SLC30A4: variants seen among roughly 807,000 people sequenced by gnomAD.
SLC30A4 encodes solute carrier family 30 member 4.
In SLC30A4, 20 loss-of-function variants were observed where a neutral mutation model predicts 41.7. That is an observed-to-expected ratio of 0.48 (90% confidence interval 0.34 to 0.70). The LOEUF (loss-of-function observed/expected upper bound fraction) is 0.70. SLC30A4 is among the 30% of genes least tolerant of loss of function. SLC30A4 has a pLI of 0.01. For missense variants in SLC30A4, 441 were observed against 529.3 expected, an observed-to-expected ratio of 0.83 and a Z score of 1.64; for synonymous variants, 181 against 195.9, an observed-to-expected ratio of 0.92 and a Z score of 0.64.
rs1312207632 is a variant in SLC30A4 at position 45,522,103 on chromosome 15, G to A, written c.252C>T (p.Thr84=). The change falls in exon 2 of 8, where the codon ACC becomes ACT. Residue 84 remains threonine, a synonymous_variant. Transcript: ENST00000261867. ...CCACCTTCAAACTCAGCTGACTGTTGGTCAAAGGTAAGTCTTGGTCCAGTA... is the reference window on the plus strand; with the variant it reads ...CCACCTTCAAACTCAGCTGACTGTTAGTCAAAGGTAAGTCTTGGTCCAGTA... The part of the protein sequence containing the change: ...DSLLDQDLPL[T]NSQLSLKVDS... The A allele has an allele frequency of 6.2e-7, 1 of 1,614,098 alleles. No homozygotes were observed. Among genetic ancestry groups the A allele is most frequent in the Non-Finnish European group, 8.5e-7 (1 of 1,180,046 alleles).
In SLC30A4 at chr15:45,480,274, C is replaced by G. The variant is rs1240004334; in HGVS notation, c.*4889G>C. 6.6e-6 allele frequency: 1 copy of G among 152,200 alleles called. No individual in the cohort carries two copies. Among genetic ancestry groups the G allele is most frequent in the African/African-American group, 2.4e-5 (1 of 41,442 alleles). 9.4% of individuals were successfully genotyped at this position (152,200 alleles called of 1,614,324 possible). Reference sequence around the variant, plus strand: ...AGTGACTGGCAGGCCTGAGTGCACACATGTAATTCAATACTGAGGAACTCC... The same window carrying G: ...AGTGACTGGCAGGCCTGAGTGCACAGATGTAATTCAATACTGAGGAACTCC... On this transcript the variant is annotated 3_prime_UTR_variant, in exon 8 of 8. Transcript: ENST00000261867.
At chr15:45,507,010 A>G (rs956181809) in intron 3 of SLC30A4, among the ~76,000 whole-genome samples, 11 of 152,080 alleles carry the variant, frequency 7.2e-5, no homozygotes, top group East Asian at 5.8e-4. Context: ...TTTAAGTTCT[A>G]TTTTTCTGAG....
intron 3 of SLC30A4, among the ~76,000 whole-genome samples, chr15:45,510,165 C>CG (rs1429717129): frequency 1.3e-5 from 2 of 150,582 alleles, no homozygotes; most frequent in African/African-American, 2.4e-5. Context: ...AAAGCAAAAA[C>CG]GAGAAATAAA....
At position 45,485,044 on chromosome 15, in the gene SLC30A4, T is replaced by C. The variant is rs2140808330; in HGVS notation, c.*119A>G. The C allele has an allele frequency of 1.4e-6, 1 of 729,566 alleles. No individual in the cohort carries two copies. The highest frequency in any genetic ancestry group is 2.2e-6 in the Non-Finnish European group (1 of 446,482). The allele number at this position is 729,566 out of a possible 1,614,324, so 45.2% of individuals were successfully genotyped here. On this transcript the variant is annotated 3_prime_UTR_variant, in exon 8 of 8. Transcript: ENST00000261867. ...AGGCTGGGGCAACTGTTTGAGAGAC[T>C]GATGCTTGATACGGACACAGCTGTC...
chr15:45,521,341 C>T (rs1300305040), intron 2 of SLC30A4, among the ~76,000 whole-genome samples: 1 of 152,094 alleles, frequency 6.6e-6, no homozygotes, highest in Non-Finnish European at 1.5e-5. Flanking sequence ...TCTTACGAGG[C>T]AAAAATTTCA....
chr15:45,509,228 GT>G (rs1452759682), intron 3 of SLC30A4, among the ~76,000 whole-genome samples: 1 of 150,940 alleles, frequency 6.6e-6, no homozygotes, highest in East Asian at 1.9e-4. Context: ...AAGCAGTGGA[GT>G]TTCCTTTAGG....
chr15:45,491,552 C>G (rs1042230259), intron 3 of SLC30A4, among the ~76,000 whole-genome samples: 1 of 152,168 alleles, frequency 6.6e-6, no homozygotes, highest in African/African-American at 2.4e-5. Flanking sequence ...CATAGTGAGA[C>G]TCCGTCTCTC....
At chr15:45,499,660 T>C (rs1891980831) in intron 3 of SLC30A4, among the ~76,000 whole-genome samples, 1 of 152,218 alleles carries the variant, frequency 6.6e-6, no homozygotes, top group African/African-American at 2.4e-5. Flanking sequence ...TCCTGAGAAC[T>C]TGTGGGATTT....
At chr15:45,486,404 A>G (rs1371807798) in intron 7 of SLC30A4, among the ~76,000 whole-genome samples, 7 of 152,202 alleles carry the variant, frequency 4.6e-5, no homozygotes, top group African/African-American at 1.7e-4. Context: ...TTGTTCTGGT[A>G]TCAATACTGA....
rs1325630567 is a variant in SLC30A4, at chr15:45,482,166, C to T, written c.*2997G>A. 6 of 150,398 alleles carry T rather than the reference C, an allele frequency of 4.0e-5. No individual in the cohort carries two copies. Among genetic ancestry groups the T allele is most frequent in the Admixed American group, 4.0e-4 (6 of 15,056 alleles). The allele number at this position is 150,398 out of a possible 1,614,324, so 9.3% of individuals were successfully genotyped here. A position where few individuals can be genotyped will look rare whatever the true frequency, so the allele number is the denominator to read the frequency against. Reference sequence around the variant, plus strand: ...GGCACAGTGGTTCATGCCCATAAGCCCAGCACTTTGGGAGGCCGAGGTGGG... The same window carrying T: ...GGCACAGTGGTTCATGCCCATAAGCTCAGCACTTTGGGAGGCCGAGGTGGG... On this transcript the variant is annotated 3_prime_UTR_variant, in exon 8 of 8. Transcript: ENST00000261867.
At chr15:45,509,455 T>C (rs751640931) in intron 3 of SLC30A4, among the ~76,000 whole-genome samples, 20 of 152,190 alleles carry the variant, frequency 1.3e-4, no homozygotes, top group Middle Eastern at 3.4e-3. Context: ...GGTTTCACCA[T>C]GTTGGCTAGG....
intron 3 of SLC30A4, among the ~76,000 whole-genome samples, chr15:45,494,042 A>C (rs916600904): frequency 6.6e-6 from 1 of 152,180 alleles, no homozygotes; most frequent in Non-Finnish European, 1.5e-5. Flanking sequence ...AGCTATGGAG[A>C]GACCTCTATA....
intron 2 of SLC30A4, among the ~76,000 whole-genome samples, chr15:45,512,997 A>T (rs998045412): frequency 8.0e-6 from 1 of 125,448 alleles, no homozygotes; most frequent in South Asian, 2.2e-4. Context: ...GACATTGACT[A>T]AAAAAAAAAA....
At chr15:45,514,875 A>G (rs983080273) in intron 2 of SLC30A4, among the ~76,000 whole-genome samples, 3 of 151,956 alleles carry the variant, frequency 2.0e-5, no homozygotes. Flanking sequence ...TCTGTGAGAG[A>G]GTACCTTAAT....
At chr15:45,493,797 A>AG (rs918834087) in intron 3 of SLC30A4, among the ~76,000 whole-genome samples, 1 of 152,276 alleles carries the variant, frequency 6.6e-6, no homozygotes. Flanking sequence ...ACTGCAACCC[A>AG]GCCTGGCCGA....
At chr15:45,502,521 G>GACCACAGGTGTGTGCC (rs1309503264) in intron 3 of SLC30A4, 1 of 152,096 alleles carries the variant, frequency 6.6e-6, no homozygotes, top group Non-Finnish European at 1.5e-5. Flanking sequence ...AAGTAGCTGG[G>GACCACAGGTGTGTGCC]ACCACAGGTG....
chr15:45,507,321 AAAATAAAT>A (rs58217872), intron 3 of SLC30A4, among the ~76,000 whole-genome samples: 72 of 141,018 alleles, frequency 5.1e-4, no homozygotes, highest in Middle Eastern at 7.5e-3. Context: ...CTCTGTCTCA[AAAATAAAT>A]AAATAAATAA....
chr15:45,497,529 CAA>C (rs1452038290), intron 3 of SLC30A4, among the ~76,000 whole-genome samples: 21 of 151,904 alleles, frequency 1.4e-4, no homozygotes, highest in Admixed American at 1.4e-3. Flanking sequence ...GAAATACAAA[CAA>C]ATGTTTATAG....
At chr15:45,500,092 ATCT>A (rs1891989840) in intron 3 of SLC30A4, among the ~76,000 whole-genome samples, 1 of 152,206 alleles carries the variant, frequency 6.6e-6, no homozygotes, top group African/African-American at 2.4e-5. Flanking sequence ...AGAGTGAATC[ATCT>A]TTTTTCCTAC....
Sources: allele counts gnomAD v4.1 joint callset (sites outside exome capture counted in the v4.1 genomes callset), GRCh38; gene constraint gnomAD v4.1.1; transcripts MANE v1.5; gene names NCBI Gene and HGNC (gene_info 2026-07-23, HGNC 2026-07-21).